ANKFY1: variants seen among roughly 807,000 people sequenced by gnomAD.
The protein encoded by ANKFY1 is ankyrin repeat and FYVE domain containing 1.
A neutral mutation model predicts 128.3 loss-of-function variants in ANKFY1; 47 were observed. That is an observed-to-expected ratio of 0.37 (90% CI 0.29 to 0.47). The LOEUF (loss-of-function observed/expected upper bound fraction) is 0.47, where lower values mean the gene tolerates loss of function less well. Among genes scored for constraint, ANKFY1 ranks in the 20% least tolerant of loss-of-function variants. The pLI is 1.00. For missense variants in ANKFY1, 1,222 were observed against 1,510.6 expected (o/e 0.81, Z 3.17); for synonymous variants, 553 against 601.6 (o/e 0.92, Z 1.18).
intron 3 of ANKFY1, chr17:4,223,390 G>A: frequency 1.3e-6 from 2 of 1,582,420 alleles, no homozygotes; most frequent in South Asian, 2.2e-5. Context: ...TGAGCTACCT[G>A]GCCAGAACGG....
intron 7 of ANKFY1, among the ~76,000 whole-genome samples, chr17:4,204,963 G>A (rs574385501): frequency 6.6e-6 from 1 of 152,308 alleles, no homozygotes; most frequent in African/African-American, 2.4e-5. Flanking sequence ...CAGCACTCCA[G>A]CACATGGCTT....
rs749188186 is a variant in ANKFY1, at chr17:4,179,844, G to A, written c.2274C>T (p.Gly758=). Residue 758 remains glycine, a synonymous_variant, in exon 17 of 25, where the codon GGC becomes GGT. Transcript: ENST00000341657. ...CCTCTTCCTCTCCTTCTCCATTGGCGCCTGGTTGTCTGGGACTGTTCACGT... is the reference window on the plus strand; with the variant it reads ...CCTCTTCCTCTCCTTCTCCATTGGCACCTGGTTGTCTGGGACTGTTCACGT... ...GCDVNSPRQP[G]ANGEGEEEAR... The A allele has an allele frequency of 8.7e-6, 14 of 1,614,050 alleles. No homozygotes were observed. The highest frequency in any genetic ancestry group is 1.6e-4 in the Middle Eastern group (1 of 6,084).
intron 2 of ANKFY1, among the ~76,000 whole-genome samples, chr17:4,236,681 C>T (rs1377166686): frequency 6.6e-6 from 1 of 152,052 alleles, no homozygotes; most frequent in Non-Finnish European, 1.5e-5. Flanking sequence ...AATCCAAAGT[C>T]ACTGTCATCA....
chr17:4,240,483 C>T (rs1265076862), intron 2 of ANKFY1, among the ~76,000 whole-genome samples: 10 of 151,394 alleles, frequency 6.6e-5, no homozygotes, highest in Non-Finnish European at 8.8e-5. Context: ...CTTCCACCTC[C>T]CAGATTCAAG....
At chr17:4,174,138 C>T (rs2059372797) in intron 19 of ANKFY1, 82 bp from the exon 20 acceptor site, 2 of 1,515,958 alleles carry the variant, frequency 1.3e-6, no homozygotes, top group Non-Finnish European at 1.8e-6. Flanking sequence ...TGCTTGTCTT[C>T]TGACACCCAC....
intron 7 of ANKFY1, among the ~76,000 whole-genome samples, chr17:4,200,104 C>T (rs1157077303): frequency 6.6e-6 from 1 of 151,570 alleles, no homozygotes; most frequent in Non-Finnish European, 1.5e-5. Context: ...CTCTGTCACC[C>T]AGGCTGAAGT....
intron 17 of ANKFY1, 79 bp downstream of exon 17, chr17:4,179,642 G>A (rs2059473408): frequency 1.3e-6 from 2 of 1,555,062 alleles, no homozygotes; most frequent in Non-Finnish European, 1.7e-6. Flanking sequence ...TGGGGACTGT[G>A]CAAGGTCCTC....
intron 3 of ANKFY1, among the ~76,000 whole-genome samples, chr17:4,220,109 G>T (rs542716040): frequency 6.6e-6 from 1 of 152,290 alleles, no homozygotes; most frequent in Non-Finnish European, 1.5e-5. Flanking sequence ...ACAGGCGTGA[G>T]CCACCCTGCC....
At chr17:4,225,187 T>G (rs1020780242) in intron 3 of ANKFY1, among the ~76,000 whole-genome samples, 2 of 151,964 alleles carry the variant, frequency 1.3e-5, no homozygotes, top group Non-Finnish European at 2.9e-5. Flanking sequence ...CAAAACCCCC[T>G]CTCTACTAAA....
Position 4,167,670 on chromosome 17 carries a change from C to T in ANKFY1, c.*109G>A. The T allele has an allele frequency of 8.9e-7, 1 of 1,123,550 alleles. No individual in the cohort carries two copies. The highest frequency in any genetic ancestry group is 2.8e-5 in the Admixed American group (1 of 35,248). The allele number at this position is 1,123,550 out of a possible 1,614,324, so 69.6% of individuals were successfully genotyped here. On this transcript the variant is annotated 3_prime_UTR_variant, in exon 25 of 25. Coordinates refer to ENST00000341657, the MANE Select transcript of ANKFY1 (RefSeq NM_001330063.2). The surrounding 1 kb of genome is among the most constrained non-coding windows in gnomAD (Gnocchi z 4.1). ...GGTCCTTAATCGTTCCAGTCTATTG[C>T]CGCAGGAAGACACCCGCCAGCTCCT... is the stretch of plus-strand genomic sequence containing the variant.
chr17:4,189,025 G>A (rs1386083460), intron 11 of ANKFY1, among the ~76,000 whole-genome samples: 1 of 152,180 alleles, frequency 6.6e-6, no homozygotes. Flanking sequence ...ACAATCCACA[G>A]AGGAAAACCC....
intron 3 of ANKFY1, among the ~76,000 whole-genome samples, chr17:4,221,301 T>G (rs1219238935): frequency 6.6e-6 from 1 of 152,124 alleles, no homozygotes; most frequent in Non-Finnish European, 1.5e-5. Context: ...AGCCTCGACC[T>G]CCCAGGCTCA....
chr17:4,223,655 G>A (rs533916301), intron 3 of ANKFY1: 67 of 1,596,176 alleles, frequency 4.2e-5, no homozygotes, highest in South Asian at 1.8e-4. Flanking sequence ...TGACCCCTTC[G>A]AGATGGCCGC....
intron 21 of ANKFY1, 136 bp from the exon 22 acceptor site, chr17:4,172,816 C>T: frequency 7.8e-7 from 1 of 1,276,996 alleles, no homozygotes; most frequent in East Asian, 2.5e-5. Flanking sequence ...TTTTCTTTTT[C>T]TTATTTTGTA....
chr17:4,210,888 C>T (rs964254533), intron 4 of ANKFY1, among the ~76,000 whole-genome samples: 27 of 150,982 alleles, frequency 1.8e-4, no homozygotes, highest in African/African-American at 6.1e-4. Flanking sequence ...AAAAATTAGC[C>T]GGGCATGGTG....
At position 4,197,547 on chromosome 17, in the gene ANKFY1, T is replaced by G; in HGVS notation, c.929A>C (p.Lys310Thr). ...AGCAGCGTTGACAAAGGCCCCATTC[T>G]TAATGAGGAAAGTGGCAGCAAAGAG... The part of the protein sequence containing the change: ...GDLFAATFLI[K>T]NGAFVNAATL... Residue 310 changes from lysine (K) to threonine (T), a missense_variant, in exon 8 of 25, where the codon AAG becomes ACG. Transcript: ENST00000341657. 1 of 1,614,170 alleles carries G rather than the reference T, an allele frequency of 6.2e-7. No individual in the cohort carries two copies. The highest frequency in any genetic ancestry group is 8.5e-7 in the Non-Finnish European group (1 of 1,180,038).
chr17:4,226,615 T>C (rs1253926937), intron 3 of ANKFY1, among the ~76,000 whole-genome samples: 2 of 151,322 alleles, frequency 1.3e-5, no homozygotes, highest in Admixed American at 6.6e-5. Context: ...TGGTGGCGCA[T>C]GCCTGCAATC....
In ANKFY1 at chr17:4,214,025, G is replaced by A. The variant is rs151169274; in HGVS notation, c.458+2958C>T. Reference sequence around the variant, plus strand: ...AAAACCTCTTTTCAGATAGCTTTCAGAAGCTTTTACCATTTTTACAACTAA... The same window carrying A: ...AAAACCTCTTTTCAGATAGCTTTCAAAAGCTTTTACCATTTTTACAACTAA... On this transcript the variant is annotated intron_variant, in intron 4 of 24. Coordinates refer to ENST00000341657, the MANE Select transcript of ANKFY1 (RefSeq NM_001330063.2). 1.9e-3 allele frequency among the ~76,000 whole-genome samples: 291 copies of A among 152,296 alleles called. No individual in the cohort carries two copies. In the Middle Eastern group the frequency reaches 0.02, roughly 11 times the overall value.
chr17:4,259,161 C>T (rs908850950), intron 1 of ANKFY1, among the ~76,000 whole-genome samples: 2 of 152,150 alleles, frequency 1.3e-5, no homozygotes, highest in African/African-American at 4.8e-5. Flanking sequence ...CAGATGATCC[C>T]CCTTTTAAAG....
Sources: gnomAD v4.1 joint callset for allele counts (sites outside exome capture counted in the v4.1 genomes callset) on GRCh38, gnomAD v4.1.1 for gene constraint, Gnocchi (gnomAD v3.1) non-coding constraint, MANE v1.5 for transcripts, NCBI Gene and HGNC (gene_info 2026-07-23, HGNC 2026-07-21) for gene names.